TMEM255B: variants seen among roughly 807,000 people sequenced by gnomAD.
TMEM255B encodes the protein family with sequence similarity 70, member B.
TMEM255B carries 35 observed loss-of-function variants against 34.5 expected under a neutral mutation model. The observed-to-expected ratio is 1.01, with a 90% CI of 0.77 to 1.34. The LOEUF (loss-of-function observed/expected upper bound fraction) is 1.34, where lower values mean the gene tolerates loss of function less well. Ranked by LOEUF, TMEM255B falls within the 40% of genes most tolerant of loss-of-function variation. The pLI is 0.00. For synonymous variants in TMEM255B, 206 were observed against 201.2 expected (o/e 1.02, Z -0.20); for missense variants, 432 against 433.2 (o/e 1.00, Z 0.02).
chr13:113,800,697 G>A (rs541529601), intron 5 of TMEM255B, 130 bp from the exon 6 acceptor site: 1 of 816,400 alleles, frequency 1.2e-6, no homozygotes, highest in South Asian at 1.7e-5. Context: ...TCGGGGGAAA[G>A]TCGGGGGAGG....
intron 2 of TMEM255B, 136 bp from the exon 3 acceptor site, chr13:113,768,962 T>G (rs1594621975): frequency 1.1e-6 from 1 of 899,844 alleles, no homozygotes. Context: ...GTGGTTGAGG[T>G]TCTTGAGGTA....
At position 113,800,533 on chromosome 13, in the gene TMEM255B, G is replaced by A. The variant is rs78826356; in HGVS notation, c.424-294G>A. On this transcript the variant is annotated intron_variant, in intron 5 of 8. Transcript: ENST00000375353. ...TCCTGGGCTCTGTCCTTCTGCCCAC[G>A]CACCCTGATATTTCCCTCTGCTCCT... Among the ~76,000 whole-genome samples the A allele has an allele frequency of 2.8e-3, 426 of 152,158 alleles. 14 individuals are homozygous for A. In the East Asian group the frequency reaches 0.063, roughly 23 times the overall value.
At chr13:113,790,783 CG>C in intron 3 of TMEM255B, among the ~76,000 whole-genome samples, 1 of 106,400 alleles carries the variant, frequency 9.4e-6, no homozygotes, top group South Asian at 3.6e-4. Flanking sequence ...CTGGACTGAC[CG>C]GACACGTAGA....
chr13:113,814,038 G>A lies in TMEM255B; in HGVS notation c.*2135G>A, dbSNP rs6602893. The A allele has an allele frequency of 0.5, 76,464 of 151,868 alleles. 20,832 individuals are homozygous for A. Among genetic ancestry groups the A allele is most frequent in the African/African-American group, 0.72 (29,761 of 41,412 alleles). 9.4% of individuals were successfully genotyped at this position (151,868 alleles called of 1,614,324 possible). ...CTGTGGGGGAAGAAAAGTGTGCCACGGATTTCCCGAGTCCCCAGGGCTCTC... is the reference window on the plus strand; with the variant it reads ...CTGTGGGGGAAGAAAAGTGTGCCACAGATTTCCCGAGTCCCCAGGGCTCTC... On this transcript the variant is annotated 3_prime_UTR_variant, in exon 9 of 9. Transcript: ENST00000375353.
At chr13:113,766,559 A>G in intron 2 of TMEM255B, 1 of 451,016 alleles carries the variant, frequency 2.2e-6, no homozygotes, top group Non-Finnish European at 4.1e-6. Context: ...ACCAGAGGGC[A>G]GGAGGGGGGC....
chr13:113,768,937 C>G, intron 2 of TMEM255B, 161 bp from the exon 3 acceptor site: 1 of 743,266 alleles, frequency 1.3e-6, no homozygotes, highest in Non-Finnish European at 2.4e-6. Context: ...CGCCAGCAGA[C>G]GCACCTGCTG....
In TMEM255B at chr13:113,816,052, C is replaced by G. The variant is rs1214946427; in HGVS notation, c.*4149C>G. 8.8e-5 allele frequency: 16 copies of G among 181,748 alleles called. 2 individuals are homozygous for G. The highest frequency in any genetic ancestry group is 4.0e-4 in the African/African-American group (16 of 39,722). 11.3% of individuals were successfully genotyped at this position (181,748 alleles called of 1,614,324 possible). A position where few individuals can be genotyped will look rare whatever the true frequency, so the allele number is the denominator to read the frequency against. ...GAGGCAAGCGTGTTCGCAGCGTGTT[C>G]TGTATGGGGAGAGATGCAGTCACTG... On this transcript the variant is annotated 3_prime_UTR_variant, in exon 9 of 9. Coordinates refer to ENST00000375353, the MANE Select transcript of TMEM255B (RefSeq NM_182614.4).
intron 3 of TMEM255B, among the ~76,000 whole-genome samples, chr13:113,786,816 G>A (rs747098243): frequency 1.3e-5 from 2 of 152,204 alleles, no homozygotes; most frequent in Non-Finnish European, 2.9e-5. Flanking sequence ...AAACCATTAC[G>A]ATGGATTTCT....
chr13:113,788,726 C>T (rs2050781612), intron 3 of TMEM255B, among the ~76,000 whole-genome samples: 2 of 152,134 alleles, frequency 1.3e-5, no homozygotes, highest in Admixed American at 1.3e-4. Context: ...TGTCTCTGCA[C>T]ACTCGACCTG....
At chr13:113,787,323 G>A (rs2050761654) in intron 3 of TMEM255B, among the ~76,000 whole-genome samples, 1 of 152,184 alleles carries the variant, frequency 6.6e-6, no homozygotes, top group African/African-American at 2.4e-5. Context: ...CTAAAATAAT[G>A]CCTGATTGGT....
chr13:113,772,686 T>C (rs1452480891), intron 3 of TMEM255B, among the ~76,000 whole-genome samples: 1 of 152,276 alleles, frequency 6.6e-6, no homozygotes, highest in Admixed American at 6.5e-5. Context: ...TTGAATGGTC[T>C]TGGCACCCTT....
chr13:113,787,941 G>T (rs1333812660), intron 3 of TMEM255B, among the ~76,000 whole-genome samples: 1 of 147,490 alleles, frequency 6.8e-6, no homozygotes, highest in African/African-American at 2.5e-5. Flanking sequence ...CGGAGGAGAG[G>T]GCATGGACGG....
In TMEM255B at chr13:113,811,724, TG is replaced by T; in HGVS notation, c.814-11del. ...TCACCTGCTAACCCAGGGCCCTCTC[TG>T]TTTATTGCAGCCCTGCAGCCGCTTC... On this transcript the variant is annotated splice_polypyrimidine_tract_variant and intron_variant, in intron 8 of 8. Transcript: ENST00000375353. 6.2e-7 allele frequency: 1 copy of T among 1,613,282 alleles called. No homozygotes were observed. The highest frequency in any genetic ancestry group is 1.3e-5 in the African/African-American group (1 of 74,928).
chr13:113,800,301 C>CTGTGTG (rs1220505809), intron 5 of TMEM255B, among the ~76,000 whole-genome samples: 3,503 of 96,976 alleles, frequency 0.036, 89 homozygotes, highest in East Asian at 0.062. Flanking sequence ...GAGGCGTCCT[C>CTGTGTG]TGTGTGTGTG....
chr13:113,810,100 G>A (rs948783377), intron 8 of TMEM255B, among the ~76,000 whole-genome samples: 4 of 152,280 alleles, frequency 2.6e-5, no homozygotes, highest in African/African-American at 9.6e-5. Flanking sequence ...CTCCCAGGGC[G>A]TCTGCAGTGC....
At chr13:113,763,899 G>A (rs1566718223) in intron 1 of TMEM255B, among the ~76,000 whole-genome samples, 2 of 152,256 alleles carry the variant, frequency 1.3e-5, no homozygotes, top group African/African-American at 2.4e-5. Context: ...TAGAGGTGGG[G>A]AGGAGGAAGG....
chr13:113,788,551 C>T (rs915131320), intron 3 of TMEM255B, among the ~76,000 whole-genome samples: 23 of 152,054 alleles, frequency 1.5e-4, no homozygotes, highest in Admixed American at 8.5e-4. Flanking sequence ...TCCTGCCACA[C>T]GTGGCCATCC....
intron 8 of TMEM255B, among the ~76,000 whole-genome samples, chr13:113,805,328 C>A (rs1374267460): frequency 2.0e-5 from 3 of 152,236 alleles, no homozygotes; most frequent in African/African-American, 7.2e-5. Flanking sequence ...GTGGTGGAGG[C>A]TCCTGCGTTT....
At chr13:113,782,052 C>A (rs2050672817) in intron 3 of TMEM255B, among the ~76,000 whole-genome samples, 1 of 152,192 alleles carries the variant, frequency 6.6e-6, no homozygotes, top group South Asian at 2.1e-4. Context: ...AGTTTATGAT[C>A]TAAAAGCATT....
Sources: gnomAD v4.1 joint callset for allele counts (sites outside exome capture counted in the v4.1 genomes callset) on GRCh38, gnomAD v4.1.1 for gene constraint, MANE v1.5 for transcripts, NCBI Gene and HGNC (gene_info 2026-07-23, HGNC 2026-07-21) for gene names.